CCDC192: variants seen among roughly 807,000 people sequenced by gnomAD.
CCDC192 encodes coiled-coil domain containing 192.
chr5:127,775,713 C>A (rs752511517), intron 3 of CCDC192, among the ~76,000 whole-genome samples: 21 of 152,152 alleles, frequency 1.4e-4, no homozygotes, highest in Non-Finnish European at 2.6e-4. Context: ...ATTTGTAGCT[C>A]CCATAATTCC....
chr5:127,895,699 G>A (rs984431552), intron 6 of CCDC192, among the ~76,000 whole-genome samples: 1 of 151,946 alleles, frequency 6.6e-6, no homozygotes, highest in East Asian at 1.9e-4. Flanking sequence ...AATTAGCCAG[G>A]CACGGTGGTG....
At chr5:127,738,948 C>G (rs1176368530) in intron 2 of CCDC192, among the ~76,000 whole-genome samples, 2 of 151,922 alleles carry the variant, frequency 1.3e-5, no homozygotes, top group African/African-American at 4.8e-5. Context: ...CATTCTCCAT[C>G]CAGCTTTGTT....
At chr5:127,769,975 A>G (rs1755454861) in intron 3 of CCDC192, among the ~76,000 whole-genome samples, 1 of 152,248 alleles carries the variant, frequency 6.6e-6, no homozygotes, top group South Asian at 2.1e-4. Context: ...AGAGAGAGAG[A>G]TTGAGAGAGA....
intron 6 of CCDC192, among the ~76,000 whole-genome samples, chr5:127,936,556 T>A (rs947089164): frequency 3.3e-5 from 5 of 150,506 alleles, no homozygotes; most frequent in African/African-American, 1.2e-4. Context: ...TTCTCAGTCC[T>A]GACTTACATC....
At chr5:127,896,417 C>G (rs904309219) in intron 6 of CCDC192, among the ~76,000 whole-genome samples, 1 of 150,084 alleles carries the variant, frequency 6.7e-6, no homozygotes, top group Admixed American at 6.7e-5. Context: ...GCTCCTGATT[C>G]TTTTCATTTT....
At chr5:127,914,596 AC>A (rs1753465496) in intron 6 of CCDC192, among the ~76,000 whole-genome samples, 1 of 152,186 alleles carries the variant, frequency 6.6e-6, no homozygotes, top group African/African-American at 2.4e-5. Context: ...ACAAATGGTA[AC>A]TTTTACTTGA....
chr5:127,803,009 A>C (rs1197663604), intron 5 of CCDC192, among the ~76,000 whole-genome samples: 1 of 152,216 alleles, frequency 6.6e-6, no homozygotes, highest in African/African-American at 2.4e-5. Flanking sequence ...AAGGAAAAAA[A>C]TAGCAGAGAA....
intron 5 of CCDC192, among the ~76,000 whole-genome samples, chr5:127,868,813 C>A (rs1055986363): frequency 6.6e-5 from 10 of 151,946 alleles, no homozygotes; most frequent in Admixed American, 4.6e-4. Flanking sequence ...ATCTGAAATG[C>A]CATCTTATCA....
chr5:127,733,753 C>A (rs1241393869), intron 2 of CCDC192, among the ~76,000 whole-genome samples: 1 of 151,936 alleles, frequency 6.6e-6, no homozygotes, highest in Non-Finnish European at 1.5e-5. Context: ...ATCACTGTAG[C>A]CTCTGAAAAC....
intron 2 of CCDC192, among the ~76,000 whole-genome samples, chr5:127,724,708 G>A (rs753151274): frequency 2.0e-5 from 3 of 152,048 alleles, no homozygotes; most frequent in African/African-American, 4.8e-5. Context: ...AATTATCAGG[G>A]TGTGGTGGCA....
At position 127,911,334 on chromosome 5, in the gene CCDC192, C is replaced by T. The variant is rs139886804; in HGVS notation, c.536-29848C>T. Among the ~76,000 whole-genome samples the T allele has an allele frequency of 3.5e-3, 527 of 152,200 alleles. 2 individuals are homozygous for T. The highest frequency in any genetic ancestry group is 0.012 in the African/African-American group (492 of 41,530). On this transcript the variant is annotated intron_variant, in intron 6 of 6. Transcript: ENST00000514853. Reference sequence around the variant, plus strand: ...AGACAGGCAAACACTAAGATTAATGCGGGGTGTTATGATGGCTGAAGAGAA... The same window carrying T: ...AGACAGGCAAACACTAAGATTAATGTGGGGTGTTATGATGGCTGAAGAGAA...
chr5:127,774,272 T>C (rs1428357501), intron 3 of CCDC192, among the ~76,000 whole-genome samples: 2 of 152,200 alleles, frequency 1.3e-5, no homozygotes, highest in Non-Finnish European at 2.9e-5. Context: ...CCAAGTCAAA[T>C]TTAACTATTT....
chr5:127,830,321 T>G (rs245312), intron 5 of CCDC192, among the ~76,000 whole-genome samples: 5 of 152,036 alleles, frequency 3.3e-5, no homozygotes, highest in Admixed American at 3.3e-4. Flanking sequence ...AATGACTACC[T>G]TGTGTGTTAG....
At chr5:127,754,197 C>T (rs1754425543) in intron 2 of CCDC192, 71 bp from the exon 3 acceptor site, 1 of 395,460 alleles carries the variant, frequency 2.5e-6, no homozygotes, top group Non-Finnish European at 4.5e-6. Flanking sequence ...TTATCAAGTC[C>T]ATAAGATTGT....
At chr5:127,753,022 T>A (rs1445147448) in intron 2 of CCDC192, among the ~76,000 whole-genome samples, 4 of 152,142 alleles carry the variant, frequency 2.6e-5, no homozygotes, top group Non-Finnish European at 5.9e-5. Context: ...TGGCACTCCC[T>A]AGTGAGATGA....
At chr5:127,895,191 G>A (rs1176542841) in intron 6 of CCDC192, among the ~76,000 whole-genome samples, 2 of 152,114 alleles carry the variant, frequency 1.3e-5, no homozygotes, top group African/African-American at 2.4e-5. Context: ...TTCTTGCATG[G>A]CAATCCTTGG....
chr5:127,731,075 G>A (rs1318822619), intron 2 of CCDC192, among the ~76,000 whole-genome samples: 1 of 152,146 alleles, frequency 6.6e-6, no homozygotes, highest in Non-Finnish European at 1.5e-5. Flanking sequence ...AAGCCAAACT[G>A]TCTCTATTTG....
At chr5:127,824,698 G>C (rs746701358) in intron 5 of CCDC192, among the ~76,000 whole-genome samples, 7 of 152,172 alleles carry the variant, frequency 4.6e-5, no homozygotes, top group Non-Finnish European at 7.3e-5. Context: ...CATTGTGATT[G>C]CTGGAGCATG....
chr5:127,753,119 G>A (rs923870171), intron 2 of CCDC192, among the ~76,000 whole-genome samples: 3 of 152,068 alleles, frequency 2.0e-5, no homozygotes, highest in Admixed American at 1.3e-4. Context: ...GTTCCTATTC[G>A]GCCATCTTGG....
Sources: allele counts gnomAD v4.1 joint callset (sites outside exome capture counted in the v4.1 genomes callset), GRCh38; gene constraint gnomAD v4.1.1; transcripts MANE v1.5; gene names NCBI Gene and HGNC (gene_info 2026-07-23, HGNC 2026-07-21).